HCN1: variants seen among roughly 807,000 people sequenced by gnomAD.
The protein encoded by HCN1 is potassium/sodium hyperpolarization-activated cyclic nucleotide-gated channel 1.
A neutral mutation model predicts 78.9 loss-of-function variants in HCN1; 13 were observed. The ratio of observed to expected loss-of-function variants is 0.16; its 90% CI spans 0.11 to 0.26. The LOEUF is 0.26. Ranked by LOEUF, HCN1 falls within the 10% of genes least tolerant of loss-of-function variation. The pLI, the probability that HCN1 is intolerant of heterozygous loss-of-function variation, is 1.00. For synonymous variants in HCN1, 552 were observed against 455.5 expected (o/e 1.21, Z -2.70); for missense variants, 810 against 1,154.3 (o/e 0.70, Z 4.32).
At chr5:45,347,327 T>C (rs936627524) in intron 5 of HCN1, among the ~76,000 whole-genome samples, 2 of 152,028 alleles carry the variant, frequency 1.3e-5, no homozygotes, top group Non-Finnish European at 1.5e-5. Context: ...GAAGGAAAAC[T>C]AACAAACACA....
chr5:45,620,261 A>G (rs1745030865), intron 2 of HCN1, among the ~76,000 whole-genome samples: 1 of 152,034 alleles, frequency 6.6e-6, no homozygotes, highest in South Asian at 2.1e-4. Context: ...ACAATAGGAA[A>G]AGGACATTAG....
rs111573728 is a variant in HCN1, at chr5:45,293,768, G to A, written c.1618+9831C>T. ...ATAAAGACACAGAACTCTGAGGTGAGGATAAAGTGACTAGCATCTCTCTCA... is the reference window on the plus strand; with the variant it reads ...ATAAAGACACAGAACTCTGAGGTGAAGATAAAGTGACTAGCATCTCTCTCA... On this transcript the variant is annotated intron_variant, in intron 6 of 7. Transcript: ENST00000303230. 4.6e-5 allele frequency among the ~76,000 whole-genome samples: 7 copies of A among 152,036 alleles called. 1 individual carries two copies. The highest frequency in any genetic ancestry group is 1.7e-4 in the African/African-American group (7 of 41,514).
chr5:45,309,702 C>T (rs567853164), intron 5 of HCN1, among the ~76,000 whole-genome samples: 1 of 152,246 alleles, frequency 6.6e-6, no homozygotes, highest in Admixed American at 6.5e-5. Flanking sequence ...ACCTTACATC[C>T]AGGGGATGAA....
chr5:45,445,103 C>A (rs1467964702), intron 3 of HCN1, among the ~76,000 whole-genome samples: 1 of 152,220 alleles, frequency 6.6e-6, no homozygotes, highest in Non-Finnish European at 1.5e-5. Flanking sequence ...TTGGGAAGTG[C>A]AAGGGGTCAG....
At chr5:45,514,883 AT>A (rs900049163) in intron 2 of HCN1, among the ~76,000 whole-genome samples, 12 of 151,924 alleles carry the variant, frequency 7.9e-5, no homozygotes, top group African/African-American at 2.7e-4. Flanking sequence ...CATTGCAAAT[AT>A]TTTTTTCTTT....
At chr5:45,405,384 T>C (rs1012645768) in intron 3 of HCN1, among the ~76,000 whole-genome samples, 8 of 152,124 alleles carry the variant, frequency 5.3e-5, no homozygotes. Flanking sequence ...ACCCTGGGCA[T>C]AGAATGACTT....
At position 45,645,301 on chromosome 5, in the gene HCN1, A is replaced by C. The variant is rs1385693706; in HGVS notation, c.733T>G (p.Ser245Ala). 3.1e-6 allele frequency: 5 copies of C among 1,613,656 alleles called. No individual in the cohort carries two copies. Among genetic ancestry groups the C allele is most frequent in the Non-Finnish European group, 3.4e-6 (4 of 1,179,794 alleles). The stretch of plus-strand genomic sequence containing the variant: ...GCCCTGGCTGTCTTGTAAACTTCAG[A>C]ATCCATTCCTTTTTCTACAATAAGA... ...IFLIVEKGMD[S>A]EVYKTARALR... Residue 245 changes from serine to alanine, a missense_variant, in exon 2 of 8, where the codon TCT becomes GCT. Around this residue, in one of 6 missense-constraint regions of HCN1, gnomAD observed 104 missense variants for 402.8 expected, o/e 0.26. Transcript: ENST00000303230.
chr5:45,287,734 A>C (rs896998802), intron 6 of HCN1, among the ~76,000 whole-genome samples: 2 of 152,164 alleles, frequency 1.3e-5, no homozygotes, highest in East Asian at 1.9e-4. Flanking sequence ...ATATAGAGTC[A>C]TTTTCATTGC....
intron 5 of HCN1, among the ~76,000 whole-genome samples, chr5:45,308,691 A>G (rs1461164696): frequency 6.6e-6 from 1 of 151,890 alleles, no homozygotes; most frequent in East Asian, 1.9e-4. Flanking sequence ...ATAAAAATCT[A>G]TAATTATTTC....
rs181806334 is a variant in HCN1 at position 45,681,775 on chromosome 5, C to A, written c.425+13894G>T. Among the ~76,000 whole-genome samples the A allele has an allele frequency of 6.4e-3, 972 of 152,162 alleles. 5 individuals carry two copies. The highest frequency in any genetic ancestry group is 0.023 in the African/African-American group (938 of 41,502). On this transcript the variant is annotated intron_variant, in intron 1 of 7. Coordinates refer to ENST00000303230, the MANE Select transcript of HCN1 (RefSeq NM_021072.4). ...ATACCTAAAAGTAATGTAATTATTT[C>A]TAAATGTCATTGCCCAAAGGGATAC...
intron 7 of HCN1, among the ~76,000 whole-genome samples, chr5:45,266,445 A>C (rs1042604166): frequency 3.9e-5 from 6 of 152,190 alleles, no homozygotes; most frequent in Non-Finnish European, 7.3e-5. Flanking sequence ...TTAGTTTGTA[A>C]TATAGACTCA....
At chr5:45,537,909 A>T (rs955131784) in intron 2 of HCN1, among the ~76,000 whole-genome samples, 1 of 151,874 alleles carries the variant, frequency 6.6e-6, no homozygotes. Flanking sequence ...TTTGTAGTAG[A>T]CTCCAAGGTC....
intron 3 of HCN1, among the ~76,000 whole-genome samples, chr5:45,427,338 C>T (rs573319142): frequency 1.3e-5 from 2 of 151,728 alleles, no homozygotes; most frequent in African/African-American, 4.8e-5. Context: ...AGTACACTGG[C>T]TTATCTTGTT....
intron 4 of HCN1, among the ~76,000 whole-genome samples, chr5:45,387,316 G>C (rs1343439387): frequency 6.6e-6 from 1 of 151,854 alleles, no homozygotes; most frequent in Non-Finnish European, 1.5e-5. Context: ...TACTATTTAT[G>C]ATACAAATAA....
chr5:45,368,317 T>C (rs1163151642), intron 4 of HCN1, among the ~76,000 whole-genome samples: 3 of 152,016 alleles, frequency 2.0e-5, no homozygotes, highest in Non-Finnish European at 2.9e-5. Context: ...CTAATGAACA[T>C]TTTCTTAGTC....
intron 3 of HCN1, among the ~76,000 whole-genome samples, chr5:45,401,640 G>T (rs1224452816): frequency 1.4e-5 from 2 of 146,520 alleles, no homozygotes; most frequent in Non-Finnish European, 1.5e-5. Context: ...ATACTTACAC[G>T]TATTACCTAG....
At position 45,261,953 on chromosome 5, in the gene HCN1, C is replaced by A; in HGVS notation, c.2641G>T (p.Ala881Ser). 1 of 1,614,016 alleles carries A rather than the reference C, an allele frequency of 6.2e-7. No individual in the cohort carries two copies. The highest frequency in any genetic ancestry group is 1.1e-5 in the South Asian group (1 of 91,058). Reference sequence around the variant, plus strand: ...TTTGAAGCAAATCGTGGCTTTTCTGCGTCTGGGTCTGTGTTTAAGACTGAG... The same window carrying A: ...TTTGAAGCAAATCGTGGCTTTTCTGAGTCTGGGTCTGTGTTTAAGACTGAG... ...SSSVLNTDPD[A>S]EKPRFASNL The change falls in exon 8 of 8, where the codon GCA becomes TCA. Residue 881 changes from alanine (A) to serine (S), a missense_variant. By Grantham distance (99) the Ala-to-Ser change is moderately conservative. Coordinates refer to ENST00000303230, the MANE Select transcript of HCN1 (RefSeq NM_021072.4).
At chr5:45,349,207 G>C (rs1386275648) in intron 5 of HCN1, among the ~76,000 whole-genome samples, 1 of 152,086 alleles carries the variant, frequency 6.6e-6, no homozygotes. Flanking sequence ...CTAGAACTCA[G>C]GATTAAGAAA....
At chr5:45,640,596 C>T (rs1300045375) in intron 2 of HCN1, among the ~76,000 whole-genome samples, 3 of 141,574 alleles carry the variant, frequency 2.1e-5, no homozygotes, top group Admixed American at 1.4e-4. Flanking sequence ...TTTTTTTTGA[C>T]GGAGTTTCAC....
Sources: gnomAD v4.1 joint callset for allele counts (sites outside exome capture counted in the v4.1 genomes callset) on GRCh38, gnomAD v4.1.1 for gene constraint, gnomAD v4.1.1 regional missense constraint, MANE v1.5 for transcripts, NCBI Gene and HGNC (gene_info 2026-07-23, HGNC 2026-07-21) for gene names.